The following TRPM3 variants were observed in gnomAD, a reference collection of about 807,000 sequenced individuals.
The protein encoded by TRPM3 is long transient receptor potential channel 3.
In TRPM3, 77 loss-of-function variants were observed where a neutral mutation model predicts 181.2. The observed-to-expected ratio is 0.42, with a 90% CI of 0.35 to 0.51. The LOEUF is 0.51. Ranked by LOEUF, TRPM3 falls within the 20% of genes least tolerant of loss-of-function variation. TRPM3 has a pLI of 0.01. For missense variants in TRPM3, 1,759 were observed against 2,196.7 expected (o/e 0.80, Z 3.98); for synonymous variants, 745 against 796.4 (o/e 0.94, Z 1.09).
chr9:71,357,027 G>A (rs1278264790), intron 1 of TRPM3, among the ~76,000 whole-genome samples: 1 of 152,102 alleles, frequency 6.6e-6, no homozygotes, highest in African/African-American at 2.4e-5. Flanking sequence ...GTTGATGGCA[G>A]CCTTGAAAAA....
intron 25 of TRPM3, among the ~76,000 whole-genome samples, chr9:70,547,462 A>T (rs1220800033): frequency 6.6e-6 from 1 of 150,996 alleles, no homozygotes; most frequent in Non-Finnish European, 1.5e-5. Context: ...TCCCTTGTGC[A>T]TCCCATGGTG....
At chr9:71,049,468 C>T (rs915127829) in intron 1 of TRPM3, among the ~76,000 whole-genome samples, 1 of 152,100 alleles carries the variant, frequency 6.6e-6, no homozygotes, top group African/African-American at 2.4e-5. Flanking sequence ...TCACATTATC[C>T]ATATCTGAAG....
intron 1 of TRPM3, among the ~76,000 whole-genome samples, chr9:71,348,366 G>A (rs1015954836): frequency 1.3e-5 from 2 of 151,610 alleles, no homozygotes; most frequent in East Asian, 3.9e-4. Flanking sequence ...ACTTTCTCCT[G>A]TATAGTTGTT....
At chr9:70,681,019 C>A (rs1179804765) in intron 9 of TRPM3, among the ~76,000 whole-genome samples, 1 of 152,094 alleles carries the variant, frequency 6.6e-6, no homozygotes, top group Non-Finnish European at 1.5e-5. Context: ...TATATTATAA[C>A]AAGTACAGTA....
At chr9:70,898,382 A>C (rs1486120161) in intron 1 of TRPM3, among the ~76,000 whole-genome samples, 1 of 151,090 alleles carries the variant, frequency 6.6e-6, no homozygotes. Context: ...TCAGCCTCCC[A>C]AAGTGCTGAG....
chr9:71,302,242 A>G (rs2132336389), intron 1 of TRPM3, among the ~76,000 whole-genome samples: 1 of 152,308 alleles, frequency 6.6e-6, no homozygotes, highest in Admixed American at 6.5e-5. Flanking sequence ...AATACTCTTC[A>G]ACATGTCTGA....
At chr9:70,757,310 A>G (rs996499082) in intron 8 of TRPM3, among the ~76,000 whole-genome samples, 1 of 152,200 alleles carries the variant, frequency 6.6e-6, no homozygotes, top group Non-Finnish European at 1.5e-5. Flanking sequence ...TGAATAGACC[A>G]AAAACAAGTT....
intron 1 of TRPM3, among the ~76,000 whole-genome samples, chr9:71,003,403 T>C (rs2097637151): frequency 1.0e-5 from 1 of 95,868 alleles, no homozygotes; most frequent in African/African-American, 2.9e-5. Flanking sequence ...TTTGTGCATA[T>C]GGTTTTTTTT....
chr9:71,258,798 A>G (rs1219572611), intron 1 of TRPM3, among the ~76,000 whole-genome samples: 1 of 152,194 alleles, frequency 6.6e-6, no homozygotes, highest in Non-Finnish European at 1.5e-5. Flanking sequence ...TGGTCTCAGT[A>G]TCTTGAAAGT....
chr9:70,700,952 A>G (rs895957380), intron 8 of TRPM3, among the ~76,000 whole-genome samples: 1 of 152,242 alleles, frequency 6.6e-6, no homozygotes, highest in African/African-American at 2.4e-5. Flanking sequence ...ACTTTTCCAC[A>G]AAGAACACTT....
chr9:70,928,842 T>C (rs774241549), intron 1 of TRPM3, among the ~76,000 whole-genome samples: 1 of 152,120 alleles, frequency 6.6e-6, no homozygotes, highest in Non-Finnish European at 1.5e-5. Flanking sequence ...GTCTAGAAGG[T>C]TGTGCTGACA....
intron 1 of TRPM3, among the ~76,000 whole-genome samples, chr9:70,890,491 A>G (rs992231251): frequency 2.0e-5 from 3 of 152,124 alleles, no homozygotes; most frequent in African/African-American, 7.2e-5. Flanking sequence ...TGGCCAGTGG[A>G]GTAGATGAAG....
chr9:70,548,794 C>T (rs575041200), intron 25 of TRPM3, among the ~76,000 whole-genome samples: 108 of 152,206 alleles, frequency 7.1e-4, no homozygotes, highest in African/African-American at 2.4e-3. Flanking sequence ...AGTGTATTTT[C>T]ATAAAGCTAG....
At chr9:70,620,420 A>G in intron 15 of TRPM3, 55 bp from the exon 16 acceptor site, 2 of 1,537,158 alleles carry the variant, frequency 1.3e-6, no homozygotes, top group Non-Finnish European at 1.8e-6. Context: ...GGTTCATTTC[A>G]GCAAGTAGCA....
At chr9:71,273,589 T>C (rs912837676) in intron 1 of TRPM3, among the ~76,000 whole-genome samples, 4 of 152,208 alleles carry the variant, frequency 2.6e-5, no homozygotes, top group African/African-American at 9.6e-5. Context: ...ATTAAGGTTA[T>C]AACACCAAAA....
intron 1 of TRPM3, among the ~76,000 whole-genome samples, chr9:71,346,829 C>T (rs913005977): frequency 1.3e-5 from 2 of 152,086 alleles, no homozygotes; most frequent in South Asian, 2.1e-4. Context: ...TTGGAAAAAC[C>T]TCATTGATTG....
intron 8 of TRPM3, among the ~76,000 whole-genome samples, chr9:70,697,442 C>T (rs557186203): frequency 6.6e-6 from 1 of 152,174 alleles, no homozygotes; most frequent in Non-Finnish European, 1.5e-5. Context: ...CCAATATGGA[C>T]ATAGAAACGT....
intron 1 of TRPM3, among the ~76,000 whole-genome samples, chr9:71,253,060 A>G (rs2082449025): frequency 6.6e-6 from 1 of 151,950 alleles, no homozygotes; most frequent in South Asian, 2.1e-4. Flanking sequence ...TGGCTCCTAC[A>G]GAACCATGGA....
At chr9:71,409,799 A>C (rs1464648314) in intron 1 of TRPM3, among the ~76,000 whole-genome samples, 1 of 152,200 alleles carries the variant, frequency 6.6e-6, no homozygotes, top group Non-Finnish European at 1.5e-5. Context: ...AATCAACAGA[A>C]TATACATACC....
Sources: allele counts gnomAD v4.1 joint callset (sites outside exome capture counted in the v4.1 genomes callset), GRCh38; gene constraint gnomAD v4.1.1; transcripts MANE v1.5; gene names NCBI Gene and HGNC (gene_info 2026-07-23, HGNC 2026-07-21).